Variants in NMRK1 observed in about 807,000 individuals in gnomAD.
NMRK1 encodes the protein nicotinamide riboside kinase 1, also known as NRK 1.
Under a neutral mutation model 29.9 loss-of-function variants are expected in NMRK1, and 28 were observed. That is an observed-to-expected ratio of 0.94 (90% CI 0.69 to 1.28). NMRK1 has a LOEUF of 1.28. NMRK1 is among the 50% of genes most tolerant of loss of function. The pLI, the probability that NMRK1 is intolerant of heterozygous loss-of-function variation, is 0.00. For synonymous variants in NMRK1, 58 were observed against 73.0 expected (o/e 0.79, Z 1.05); for missense variants, 218 against 233.1 (o/e 0.94, Z 0.42).
At chr9:75,062,103 C>T (rs928530720) in intron 8 of NMRK1, among the ~76,000 whole-genome samples, 6 of 152,098 alleles carry the variant, frequency 3.9e-5, no homozygotes, top group African/African-American at 1.4e-4. Context: ...CATCCTTTGA[C>T]TACATAAGTG....
At chr9:75,072,199 A>T (rs1823738404) in intron 4 of NMRK1, among the ~76,000 whole-genome samples, 1 of 152,120 alleles carries the variant, frequency 6.6e-6, no homozygotes, top group African/African-American at 2.4e-5. Flanking sequence ...TATATGTAGG[A>T]GGCAAAAAGA....
At chr9:75,078,260 C>T (rs1824118498) in intron 2 of NMRK1, 1 of 1,545,926 alleles carries the variant, frequency 6.5e-7, no homozygotes, top group East Asian at 2.4e-5. Context: ...TGCATATGGT[C>T]ACTGTGATTT....
chr9:75,085,789 GC>G (rs1587414286), intron 1 of NMRK1, among the ~76,000 whole-genome samples: 1 of 133,258 alleles, frequency 7.5e-6, no homozygotes, highest in African/African-American at 2.9e-5. Flanking sequence ...ACATTAGTTA[GC>G]AGTCTGGGCC....
At chr9:75,061,748 A>T (rs552947215) in intron 8 of NMRK1, among the ~76,000 whole-genome samples, 181 bp from the exon 9 acceptor site, 2 of 152,338 alleles carry the variant, frequency 1.3e-5, no homozygotes, top group Admixed American at 6.5e-5. Flanking sequence ...CCCTGCATTA[A>T]ATTTGAAGCA....
Position 75,086,558 on chromosome 9 carries a change from GGT to G in NMRK1, c.-36+1448_-36+1449del, listed in dbSNP as rs552774996. ...ATGTTGGGTTTTTTAAAATAATTCAGGTGTGTTTATTATGCTTAATTCATTTC... is the reference window on the plus strand; with the variant it reads ...ATGTTGGGTTTTTTAAAATAATTCAGGTGTTTATTATGCTTAATTCATTTC... On this transcript the variant is annotated intron_variant, in intron 1 of 8. Coordinates refer to ENST00000361092, the MANE Select transcript of NMRK1 (RefSeq NM_017881.3). Among the ~76,000 whole-genome samples, 3 of 152,118 alleles carry G rather than the reference GGT, an allele frequency of 2.0e-5. No individual in the cohort carries two copies. In the East Asian group the frequency reaches 5.8e-4, roughly 29 times the overall value.
intron 2 of NMRK1, chr9:75,078,411 C>T (rs1327271115): frequency 6.4e-7 from 1 of 1,552,486 alleles, no homozygotes; most frequent in Admixed American, 2.0e-5. Context: ...TGTAGCTTAT[C>T]ACAACAGGCC....
chr9:75,085,726 GTTTTT>G (rs58741153), intron 1 of NMRK1, among the ~76,000 whole-genome samples: 2 of 85,138 alleles, frequency 2.3e-5, no homozygotes, highest in Non-Finnish European at 4.6e-5. Context: ...TCAAATGTAA[GTTTTT>G]TTTTTTTTTT....
chr9:75,085,171 C>A (rs1824545941), intron 1 of NMRK1, among the ~76,000 whole-genome samples: 1 of 152,166 alleles, frequency 6.6e-6, no homozygotes, highest in Non-Finnish European at 1.5e-5. Context: ...TCCTTGCCCC[C>A]ATTATTTTTG....
chr9:75,083,847 A>G (rs887008626), intron 1 of NMRK1, among the ~76,000 whole-genome samples: 1 of 152,138 alleles, frequency 6.6e-6, no homozygotes, highest in African/African-American at 2.4e-5. Flanking sequence ...GAGAAAAAAC[A>G]TTTTCACAAT....
intron 4 of NMRK1, among the ~76,000 whole-genome samples, chr9:75,072,936 T>C (rs1823780358): frequency 6.6e-6 from 1 of 152,224 alleles, no homozygotes; most frequent in African/African-American, 2.4e-5. Context: ...GTTAGTTAAT[T>C]GTATTGTTCA....
chr9:75,066,216 C>G (rs1364268034), intron 8 of NMRK1: 4 of 510,072 alleles, frequency 7.8e-6, no homozygotes, highest in African/African-American at 1.9e-5. Flanking sequence ...CTGAAGCCAC[C>G]ATTACCCCTG....
chr9:75,077,256 A>T (rs746477250), intron 3 of NMRK1, 49 bp from the exon 4 acceptor site: 1 of 1,257,312 alleles, frequency 8.0e-7, no homozygotes, highest in Non-Finnish European at 1.1e-6. Flanking sequence ...GGAAAGAAAT[A>T]ATACAATTAT....
At chr9:75,073,012 G>A (rs112299584) in intron 4 of NMRK1, among the ~76,000 whole-genome samples, 3,485 of 152,216 alleles carry the variant, frequency 0.023, 48 homozygotes, top group Admixed American at 0.047. Flanking sequence ...AGTTGAATGC[G>A]TCCCCCTATG....
intron 7 of NMRK1, chr9:75,067,149 G>A (rs908511635): frequency 2.2e-5 from 5 of 228,514 alleles, no homozygotes; most frequent in Admixed American, 1.0e-4. Flanking sequence ...TTGTGCATAC[G>A]GCACTTTAGG....
rs116251017 is a variant in NMRK1, at chr9:75,064,416, T to C, written c.580+2341A>G. On this transcript the variant is annotated intron_variant, in intron 8 of 8. Coordinates refer to ENST00000361092, the MANE Select transcript of NMRK1 (RefSeq NM_017881.3). ...AGTGGCTCTGGCTCATGTGCTATCA[T>C]TTATGAAGGCTGAGCCCCTCCCTTC... Among the ~76,000 whole-genome samples the C allele has an allele frequency of 9.9e-3, 1,513 of 152,274 alleles. 24 individuals are homozygous for C. The highest frequency in any genetic ancestry group is 0.034 in the African/African-American group (1,417 of 41,550).
intron 8 of NMRK1, among the ~76,000 whole-genome samples, chr9:75,062,750 G>A (rs912039499): frequency 6.6e-6 from 1 of 152,176 alleles, no homozygotes. Flanking sequence ...CATTTAAAAA[G>A]GCTGAGCATG....
intron 1 of NMRK1, among the ~76,000 whole-genome samples, chr9:75,085,564 T>C (rs2118281880): frequency 6.6e-6 from 1 of 152,174 alleles, no homozygotes; most frequent in East Asian, 1.9e-4. Flanking sequence ...CATCTGTGGT[T>C]ACACGTGTGA....
At chr9:75,064,743 G>A (rs1169869202) in intron 8 of NMRK1, among the ~76,000 whole-genome samples, 2 of 152,086 alleles carry the variant, frequency 1.3e-5, no homozygotes, top group East Asian at 3.9e-4. Context: ...TTCTTACTGA[G>A]GAAGGACAAC....
At chr9:75,071,206 T>C (rs1411881865) in intron 4 of NMRK1, among the ~76,000 whole-genome samples, 1 of 152,228 alleles carries the variant, frequency 6.6e-6, no homozygotes, top group East Asian at 1.9e-4. Context: ...GTTGTTCAGA[T>C]TGAGTAATTT....
Sources: allele counts gnomAD v4.1 joint callset (sites outside exome capture counted in the v4.1 genomes callset), GRCh38; gene constraint gnomAD v4.1.1; transcripts MANE v1.5; gene names NCBI Gene and HGNC (gene_info 2026-07-23, HGNC 2026-07-21).